NFYB: variants seen among roughly 807,000 people sequenced by gnomAD.
The protein encoded by NFYB is CAAT box DNA-binding protein subunit B.
NFYB carries 13 observed loss-of-function variants against 28.0 expected under a neutral mutation model. That is an observed-to-expected ratio of 0.46 (90% CI 0.30 to 0.74). The LOEUF is 0.74. Among genes scored for constraint, NFYB ranks in the 30% least tolerant of loss-of-function variants. NFYB has a pLI of 0.07. For missense variants in NFYB, 142 were observed against 247.6 expected (o/e 0.57, Z 2.86); for synonymous variants, 74 against 75.0 (o/e 0.99, Z 0.07).
rs2031070168 is a variant in NFYB at position 104,135,538 on chromosome 12, A to C, written c.-79-6T>G. 10 of 1,276,880 alleles carry C rather than the reference A, an allele frequency of 7.8e-6. No individual in the cohort carries two copies. Among genetic ancestry groups the C allele is most frequent in the Non-Finnish European group, 9.8e-6 (9 of 917,346 alleles). The allele number at this position is 1,276,880 out of a possible 1,614,324, so 79.1% of individuals were successfully genotyped here. A position where few individuals can be genotyped will look rare whatever the true frequency, so the allele number is the denominator to read the frequency against. Reference sequence around the variant, plus strand: ...CTAATCTTTGTGATTTCAACCTAAAAGATAAACATCTATTAGGACCTAACA... The same window carrying C: ...CTAATCTTTGTGATTTCAACCTAAACGATAAACATCTATTAGGACCTAACA... On this transcript the variant is annotated splice_region_variant and splice_polypyrimidine_tract_variant and intron_variant, in intron 1 of 7. Transcript: ENST00000240055.
rs2030706686 is a variant in NFYB, at chr12:104,126,163, A to G, written c.182T>C (p.Ile61Thr). 1 of 1,604,820 alleles carries G rather than the reference A, an allele frequency of 6.2e-7. No individual in the cohort carries two copies. The highest frequency in any genetic ancestry group is 8.5e-7 in the Non-Finnish European group (1 of 1,176,340). The change falls in exon 4 of 8, where the codon ATA becomes ACA. Residue 61 changes from isoleucine to threonine, a missense_variant. Physicochemically the swap from Ile to Thr is moderately conservative, Grantham distance 89 (BLOSUM62 -1). Coordinates refer to ENST00000240055, the MANE Select transcript of NFYB (RefSeq NM_006166.4). ...SFREQDIYLP[I>T]ANVARIMKNA... The stretch of plus-strand genomic sequence containing the variant: ...TTTCATTATCCTAGCCACGTTTGCT[A>G]TTGGAAGATATATATCTTGTTCTCT...
At chr12:104,127,890 G>A (rs1396290153) in intron 3 of NFYB, among the ~76,000 whole-genome samples, 2 of 151,914 alleles carry the variant, frequency 1.3e-5, no homozygotes, top group East Asian at 1.9e-4. Flanking sequence ...TCACCATGTT[G>A]CCCAGGCTGG....
At chr12:104,121,589 A>G (rs939844888) in intron 5 of NFYB, among the ~76,000 whole-genome samples, 3 of 152,200 alleles carry the variant, frequency 2.0e-5, no homozygotes, top group Admixed American at 6.5e-5. Context: ...ATTCCACATC[A>G]TATCAAAGGG....
In NFYB at chr12:104,126,267, G is replaced by A. The variant is rs376940444; in HGVS notation, c.101-23C>T. ...TATCTAAAGAAATAAAAATATTTAGGTGTAAAGCTTCTTATTATTTCTATT... is the reference window on the plus strand; with the variant it reads ...TATCTAAAGAAATAAAAATATTTAGATGTAAAGCTTCTTATTATTTCTATT... On this transcript the variant is annotated intron_variant, in intron 3 of 7. Coordinates refer to ENST00000240055, the MANE Select transcript of NFYB (RefSeq NM_006166.4). The A allele has an allele frequency of 2.7e-6, 4 of 1,498,842 alleles. No homozygotes were observed. The African/African-American group carries it at 4.3e-5, about 16-fold the overall frequency. The allele number at this position is 1,498,842 out of a possible 1,614,324, so 92.8% of individuals were successfully genotyped here.
At chr12:104,121,814 A>G (rs1224693838) in intron 5 of NFYB, among the ~76,000 whole-genome samples, 1 of 152,230 alleles carries the variant, frequency 6.6e-6, no homozygotes, top group African/African-American at 2.4e-5. Flanking sequence ...AATGTCAGGA[A>G]TTTACACATT....
At chr12:104,127,012 C>A (rs1284952497) in intron 3 of NFYB, among the ~76,000 whole-genome samples, 2 of 152,180 alleles carry the variant, frequency 1.3e-5, no homozygotes, top group East Asian at 3.9e-4. Context: ...CAAAAAGGGA[C>A]TTTTCAAATT....
intron 2 of NFYB, among the ~76,000 whole-genome samples, chr12:104,134,638 G>A (rs191414728): frequency 6.6e-6 from 1 of 152,076 alleles, no homozygotes; most frequent in South Asian, 2.1e-4. Context: ...GTTCCTAAAG[G>A]CTTCCTGTGT....
At chr12:104,130,431 A>G (rs2136665502) in intron 2 of NFYB, among the ~76,000 whole-genome samples, 1 of 152,280 alleles carries the variant, frequency 6.6e-6, no homozygotes, top group Admixed American at 6.5e-5. Context: ...GTAGATAGAG[A>G]CACATTTCTA....
chr12:104,123,565 C>A, intron 4 of NFYB, 142 bp from the exon 5 acceptor site: 1 of 657,344 alleles, frequency 1.5e-6, no homozygotes, highest in Non-Finnish European at 2.6e-6. Flanking sequence ...AACATTAACA[C>A]AATGTGTGCT....
At chr12:104,131,026 G>T (rs986300060) in intron 2 of NFYB, 1 of 152,150 alleles carries the variant, frequency 6.6e-6, no homozygotes, top group African/African-American at 2.4e-5. Context: ...GCAAGACACT[G>T]TTCAAATAAC....
intron 3 of NFYB, 45 bp from the exon 4 acceptor site, chr12:104,126,289 T>C (rs769290681): frequency 7.2e-7 from 1 of 1,391,394 alleles, no homozygotes; most frequent in Non-Finnish European, 9.5e-7. Context: ...TTATTATTTC[T>C]ATTTCAAGAT....
At chr12:104,120,304 C>T (rs1565822184) in intron 7 of NFYB, 96 bp downstream of exon 7, 2 of 954,312 alleles carry the variant, frequency 2.1e-6, no homozygotes, top group Non-Finnish European at 3.3e-6. Context: ...ATCCACCCAC[C>T]TCGGCCTCCC....
intron 3 of NFYB, among the ~76,000 whole-genome samples, chr12:104,126,706 CATAA>C (rs1406659035): frequency 1.3e-5 from 2 of 152,138 alleles, no homozygotes; most frequent in East Asian, 3.8e-4. Flanking sequence ...AGTAGGTACT[CATAA>C]ATATTTATTA....
At chr12:104,129,804 T>C (rs2030856080) in intron 2 of NFYB, among the ~76,000 whole-genome samples, 1 of 152,174 alleles carries the variant, frequency 6.6e-6, no homozygotes, top group African/African-American at 2.4e-5. Flanking sequence ...GAAGATCACT[T>C]GAGCCTAGGA....
chr12:104,130,668 AAACT>A (rs1179068277), intron 2 of NFYB, among the ~76,000 whole-genome samples: 1 of 152,210 alleles, frequency 6.6e-6, no homozygotes, highest in African/African-American at 2.4e-5. Flanking sequence ...TCCCCATCTT[AAACT>A]AACACAAATA....
chr12:104,124,313 C>G (rs889010620), intron 4 of NFYB, among the ~76,000 whole-genome samples: 26 of 152,212 alleles, frequency 1.7e-4, no homozygotes, highest in African/African-American at 6.3e-4. Flanking sequence ...AAGCACACAT[C>G]TGCCACTTCA....
chr12:104,135,252 T>C (rs1252499941), intron 2 of NFYB, among the ~76,000 whole-genome samples, 196 bp downstream of exon 2: 1 of 152,194 alleles, frequency 6.6e-6, no homozygotes, highest in Non-Finnish European at 1.5e-5. Context: ...TCAACAGCAC[T>C]TAGGGACCCA....
At chr12:104,137,280 C>T (rs1234585400) in intron 1 of NFYB, 2 of 152,234 alleles carry the variant, frequency 1.3e-5, no homozygotes, top group African/African-American at 4.8e-5. Context: ...ATTCTTTGTT[C>T]TCTAAGACTA....
chr12:104,121,191 A>G, intron 6 of NFYB, 49 bp downstream of exon 6: 2 of 1,440,224 alleles, frequency 1.4e-6, no homozygotes, highest in Non-Finnish European at 1.9e-6. Context: ...GATACTTAGT[A>G]TGAATCATTG....
Sources: allele counts gnomAD v4.1 joint callset (sites outside exome capture counted in the v4.1 genomes callset), GRCh38; gene constraint gnomAD v4.1.1; transcripts MANE v1.5; gene names NCBI Gene and HGNC (gene_info 2026-07-23, HGNC 2026-07-21).